The following CDK8 variants were observed in gnomAD, a reference collection of about 807,000 sequenced individuals.
CDK8 encodes the protein cyclin dependent kinase 8, also known as cyclin-dependent kinase 8.
Under a neutral mutation model 71.5 loss-of-function variants are expected in CDK8, and 29 were observed. That is an observed-to-expected ratio of 0.41 (90% CI 0.30 to 0.55). The LOEUF is 0.55. Ranked by LOEUF, CDK8 falls within the 20% of genes least tolerant of loss-of-function variation. The pLI is 0.37. For synonymous variants in CDK8, 161 were observed against 192.1 expected, an observed-to-expected ratio of 0.84 and a Z score of 1.34; for missense variants, 288 against 572.6, an observed-to-expected ratio of 0.50 and a Z score of 5.07.
At chr13:26,290,136 G>A (rs1325214778) in intron 1 of CDK8, among the ~76,000 whole-genome samples, 1 of 152,074 alleles carries the variant, frequency 6.6e-6, no homozygotes, top group African/African-American at 2.4e-5. Context: ...CTAATTCTTA[G>A]CATGAGCATT....
At chr13:26,395,106 G>A (rs910740678) in intron 7 of CDK8, among the ~76,000 whole-genome samples, 1 of 152,194 alleles carries the variant, frequency 6.6e-6, no homozygotes, top group Non-Finnish European at 1.5e-5. Context: ...TGTATGTTTA[G>A]TTTACAATAT....
At chr13:26,329,483 G>GTTTTTTTTTTTTTTTTTTTTTTTTTTTTT (rs543441898) in intron 1 of CDK8, among the ~76,000 whole-genome samples, 1 of 128,492 alleles carries the variant, frequency 7.8e-6, no homozygotes, top group Non-Finnish European at 1.6e-5. Flanking sequence ...TTTTTTTTTT[G>GTTTTTTTTTTTTTTTTTTTTTTTTTTTTT]TTTTTTTTTT....
At chr13:26,339,701 T>TTATTTATTTATC (rs1873145770) in intron 2 of CDK8, among the ~76,000 whole-genome samples, 1 of 129,280 alleles carries the variant, frequency 7.7e-6, no homozygotes, top group Non-Finnish European at 1.6e-5. Flanking sequence ...TCCATTTTAT[T>TTATTTATTTATC]TATTTATTTA....
intron 4 of CDK8, among the ~76,000 whole-genome samples, chr13:26,374,386 A>C (rs1039076405): frequency 1.3e-5 from 2 of 152,186 alleles, no homozygotes; most frequent in Admixed American, 6.5e-5. Flanking sequence ...TGTGGATCAC[A>C]GTATATTAAA....
chr13:26,293,621 A>G (rs1041641252), intron 1 of CDK8, among the ~76,000 whole-genome samples: 81 of 123,428 alleles, frequency 6.6e-4, no homozygotes, highest in Non-Finnish European at 1.3e-3. Context: ...AAAAAAAAAA[A>G]AAATTTGTAT....
At chr13:26,377,199 C>T (rs1874995120) in intron 4 of CDK8, among the ~76,000 whole-genome samples, 1 of 152,222 alleles carries the variant, frequency 6.6e-6, no homozygotes, top group Non-Finnish European at 1.5e-5. Context: ...CTCCCTTTAT[C>T]CCCCAACAGG....
intron 1 of CDK8, among the ~76,000 whole-genome samples, chr13:26,329,552 G>C (rs1190075795): frequency 6.6e-6 from 1 of 150,686 alleles, no homozygotes; most frequent in Non-Finnish European, 1.5e-5. Flanking sequence ...GCCCAGGCTG[G>C]AGTGCAGTGG....
At chr13:26,381,015 A>G (rs1239182723) in intron 4 of CDK8, among the ~76,000 whole-genome samples, 2 of 152,182 alleles carry the variant, frequency 1.3e-5, no homozygotes, top group Non-Finnish European at 2.9e-5. Flanking sequence ...GAGTAACATA[A>G]TCAGATTTGT....
intron 3 of CDK8, among the ~76,000 whole-genome samples, chr13:26,353,216 T>TA (rs1483320322): frequency 6.6e-6 from 1 of 152,208 alleles, no homozygotes; most frequent in Non-Finnish European, 1.5e-5. Flanking sequence ...AGGCAGTTTT[T>TA]ATTTTCCTCA....
chr13:26,390,228 C>T (rs1050522285), intron 6 of CDK8, among the ~76,000 whole-genome samples: 1 of 152,162 alleles, frequency 6.6e-6, no homozygotes, highest in African/African-American at 2.4e-5. Flanking sequence ...GATAGAAGAG[C>T]CTTTCTAGTT....
intron 1 of CDK8, among the ~76,000 whole-genome samples, chr13:26,298,172 C>A (rs190363278): frequency 1.3e-5 from 2 of 152,094 alleles, no homozygotes; most frequent in Admixed American, 6.5e-5. Flanking sequence ...TGGTCTGTAA[C>A]ATTATGAGTT....
chr13:26,357,923 T>A (rs188053980), intron 4 of CDK8, among the ~76,000 whole-genome samples: 1 of 152,180 alleles, frequency 6.6e-6, no homozygotes, highest in African/African-American at 2.4e-5. Context: ...GTTAATCTCA[T>A]CCAACAAAAC....
At chr13:26,380,902 T>C (rs2138043189) in intron 4 of CDK8, among the ~76,000 whole-genome samples, 1 of 152,364 alleles carries the variant, frequency 6.6e-6, no homozygotes, top group South Asian at 2.1e-4. Context: ...CAGGAACTTT[T>C]TTTTAACCTA....
intron 1 of CDK8, among the ~76,000 whole-genome samples, chr13:26,289,807 CCCAAAGTGCTGGG>C (rs1442278485): frequency 6.6e-6 from 1 of 152,198 alleles, no homozygotes; most frequent in African/African-American, 2.4e-5. Context: ...GCCTCAGCCT[CCCAAAGTGCTGGG>C]ATTACAGGCG....
At chr13:26,315,158 T>TTGAAATTAACAAA (rs1874451541) in intron 1 of CDK8, among the ~76,000 whole-genome samples, 1 of 152,236 alleles carries the variant, frequency 6.6e-6, no homozygotes, top group African/African-American at 2.4e-5. Context: ...GCACTCAAAG[T>TTGAAATTAACAAA]GTATAATTTG....
chr13:26,402,955 G>T (rs1287411929), intron 12 of CDK8, among the ~76,000 whole-genome samples: 1 of 152,142 alleles, frequency 6.6e-6, no homozygotes, highest in African/African-American at 2.4e-5. Flanking sequence ...GCAGAATTTG[G>T]AATTATATGT....
intron 1 of CDK8, among the ~76,000 whole-genome samples, chr13:26,298,874 A>C (rs188613801): frequency 7.7e-4 from 117 of 152,278 alleles, no homozygotes; most frequent in Non-Finnish European, 4.0e-4. Context: ...GTTTTATGCA[A>C]AAAATTTCCG....
chr13:26,306,886 C>G (rs1211642568), intron 1 of CDK8, among the ~76,000 whole-genome samples: 1 of 152,102 alleles, frequency 6.6e-6, no homozygotes, highest in Non-Finnish European at 1.5e-5. Context: ...GCCTCGGCCT[C>G]CCAAAGTGCT....
intron 1 of CDK8, among the ~76,000 whole-genome samples, chr13:26,335,805 A>G (rs1016751618): frequency 3.3e-5 from 5 of 152,090 alleles, no homozygotes; most frequent in Non-Finnish European, 7.3e-5. Context: ...TAATTTTAAT[A>G]CTAATTACTT....
Sources: allele counts gnomAD v4.1 joint callset (sites outside exome capture counted in the v4.1 genomes callset), GRCh38; gene constraint gnomAD v4.1.1; transcripts MANE v1.5; gene names NCBI Gene and HGNC (gene_info 2026-07-23, HGNC 2026-07-21).